ACVR1B: variants seen among roughly 807,000 people sequenced by gnomAD.
ACVR1B encodes activin receptor type-1B.
ACVR1B carries 15 observed loss-of-function variants against 55.6 expected under a neutral mutation model. That is an observed-to-expected ratio of 0.27 (90% confidence interval 0.18 to 0.42). The LOEUF (loss-of-function observed/expected upper bound fraction) is 0.42. Ranked by LOEUF, ACVR1B falls within the 10% of genes least tolerant of loss-of-function variation. ACVR1B has a pLI of 1.00. For synonymous variants in ACVR1B, 247 were observed against 254.6 expected, an observed-to-expected ratio of 0.97 and a Z score of 0.28; for missense variants, 359 against 670.1, an observed-to-expected ratio of 0.54 and a Z score of 5.13.
intron 1 of ACVR1B, among the ~76,000 whole-genome samples, chr12:51,966,999 G>T (rs1439973359): frequency 6.6e-6 from 1 of 152,114 alleles, no homozygotes; most frequent in African/African-American, 2.4e-5. Context: ...CCAGCACTTT[G>T]GGAGGCCGAG....
At chr12:51,955,913 G>A (rs1941400029) in intron 1 of ACVR1B, among the ~76,000 whole-genome samples, 1 of 152,204 alleles carries the variant, frequency 6.6e-6, no homozygotes, top group Non-Finnish European at 1.5e-5. Context: ...TCATGGCCAG[G>A]TTCAGATACC....
At chr12:51,986,704 G>T in intron 6 of ACVR1B, 114 bp from the exon 7 acceptor site, 1 of 1,408,346 alleles carries the variant, frequency 7.1e-7, no homozygotes, top group Non-Finnish European at 9.6e-7. Context: ...TGCCCCAAGG[G>T]ACTTTATCAG....
At chr12:51,958,467 A>AC (rs1310789495) in intron 1 of ACVR1B, among the ~76,000 whole-genome samples, 1 of 151,960 alleles carries the variant, frequency 6.6e-6, no homozygotes, top group Non-Finnish European at 1.5e-5. Flanking sequence ...ACATGGTGAA[A>AC]CCCCATCTCT....
chr12:51,987,340 C>G lies in ACVR1B; in HGVS notation c.1261+398C>G, dbSNP rs552906529. The G allele has an allele frequency of 1.6e-4, 84 of 513,914 alleles. 1 individual carries two copies. The East Asian group carries it at 2.0e-3, about 12-fold the overall frequency. 31.8% of individuals were successfully genotyped at this position (513,914 alleles called of 1,614,324 possible). A position where few individuals can be genotyped will look rare whatever the true frequency, so the allele number is the denominator to read the frequency against. ...ACATTCATGGGAAACCCTGCTGTTTCATTGTTAAAATAATAGTGCTAATTT... is the reference window on the plus strand; with the variant it reads ...ACATTCATGGGAAACCCTGCTGTTTGATTGTTAAAATAATAGTGCTAATTT... On this transcript the variant is annotated intron_variant, in intron 7 of 8. Coordinates refer to ENST00000257963, the MANE Select transcript of ACVR1B (RefSeq NM_004302.5).
At chr12:51,971,162 C>T (rs917734611) in intron 1 of ACVR1B, among the ~76,000 whole-genome samples, 1 of 152,198 alleles carries the variant, frequency 6.6e-6, no homozygotes, top group African/African-American at 2.4e-5. Flanking sequence ...GCCTCTATAA[C>T]ACGGAGCTAG....
At chr12:51,990,888 T>A (rs948406150) in intron 7 of ACVR1B, among the ~76,000 whole-genome samples, 1 of 152,234 alleles carries the variant, frequency 6.6e-6, no homozygotes, top group Non-Finnish European at 1.5e-5. Flanking sequence ...TCCTGGTATT[T>A]CCTATGAATT....
chr12:51,963,265 G>A (rs1029919739), intron 1 of ACVR1B, among the ~76,000 whole-genome samples: 1 of 150,188 alleles, frequency 6.7e-6, no homozygotes, highest in Non-Finnish European at 1.5e-5. Context: ...TTTTTTTTGA[G>A]ACAAAGTCTT....
rs1004697197 is a variant in ACVR1B, at chr12:51,981,018, A to G, written c.630A>G (p.Gln210=). 4 of 1,613,966 alleles carry G rather than the reference A, an allele frequency of 2.5e-6. No individual in the cohort carries two copies. Among genetic ancestry groups the G allele is most frequent in the African/African-American group, 1.3e-5 (1 of 74,908 alleles). The change falls in exon 4 of 9, where the codon CAA becomes CAG. Residue 210 remains glutamine (Q), a synonymous_variant. Coordinates refer to ENST00000257963, the MANE Select transcript of ACVR1B (RefSeq NM_004302.5). ...CAGTGGCCCGAACCATCGTTTTACA[A>G]GAGATTATTGGCAAGGGTCGGTTTG... is the stretch of plus-strand genomic sequence containing the variant. The part of the protein sequence containing the change: ...QRTVARTIVL[Q]EIIGKGRFGE...
chr12:51,985,558 C>T (rs567377401), intron 6 of ACVR1B, among the ~76,000 whole-genome samples: 2 of 152,324 alleles, frequency 1.3e-5, no homozygotes, highest in South Asian at 2.1e-4. Flanking sequence ...GAGCACAGCT[C>T]CATAAACTGT....
Position 51,981,053 on chromosome 12 carries a change from G to A in ACVR1B, c.665G>A (p.Trp222Ter), listed in dbSNP as rs1236678881. ...GGCAAGGGTCGGTTTGGGGAAGTAT[G>A]GCGGGGCCGCTGGAGGGGTGGTGAT... The part of the protein sequence containing the change: ...IIGKGRFGEV[W>*]RGRWRGGDVA... Residue 222 changes from tryptophan to a stop codon, truncating the protein, a stop_gained, in exon 4 of 9, where the codon TGG becomes TAG. Coordinates refer to ENST00000257963, the MANE Select transcript of ACVR1B (RefSeq NM_004302.5). LOFTEE classifies it high-confidence loss of function. 6.2e-7 allele frequency: 1 copy of A among 1,613,918 alleles called. No homozygotes were observed. Among genetic ancestry groups the A allele is most frequent in the African/African-American group, 1.3e-5 (1 of 74,920 alleles).
Position 51,968,563 on chromosome 12 carries a change from T to C in ACVR1B, c.92-6702T>C, listed in dbSNP as rs76582320. Among the ~76,000 whole-genome samples, 33 of 152,372 alleles carry C rather than the reference T, an allele frequency of 2.2e-4. No individual in the cohort carries two copies. In the East Asian group the frequency reaches 6.4e-3, roughly 29 times the overall value. On this transcript the variant is annotated intron_variant, in intron 1 of 8. Transcript: ENST00000257963. ...CTTTCCAATAGGCAGGGTCTACCCA[T>C]GTCCCTTCCTTGAATTTGGGTGGAG... is the stretch of plus-strand genomic sequence containing the variant.
chr12:51,983,776 G>A (rs1458898457), intron 4 of ACVR1B, among the ~76,000 whole-genome samples: 1 of 152,216 alleles, frequency 6.6e-6, no homozygotes. Context: ...ATCAGGAGCA[G>A]TCCTAAGAAA....
intron 1 of ACVR1B, among the ~76,000 whole-genome samples, chr12:51,963,619 C>T (rs902526647): frequency 1.6e-4 from 24 of 152,156 alleles, no homozygotes; most frequent in African/African-American, 4.8e-4. Flanking sequence ...TATTATAGCA[C>T]GTATCAATAG....
intron 7 of ACVR1B, among the ~76,000 whole-genome samples, chr12:51,989,854 G>A (rs574339715): frequency 1.3e-5 from 2 of 152,028 alleles, no homozygotes; most frequent in African/African-American, 2.4e-5. Context: ...GTATGGTAGC[G>A]TACGCCTGTA....
chr12:51,970,746 G>A (rs1565614401), intron 1 of ACVR1B, among the ~76,000 whole-genome samples: 2 of 152,136 alleles, frequency 1.3e-5, no homozygotes, highest in South Asian at 2.1e-4. Flanking sequence ...ATAAAATCAC[G>A]AAGAGTAAGG....
Position 51,984,096 on chromosome 12 carries a change from G to C in ACVR1B, c.909G>C (p.Gly303=). The change falls in exon 5 of 9, where the codon GGG becomes GGC. Residue 303 remains glycine, a synonymous_variant. Transcript: ENST00000257963. ...ACCGGTACACAGTGACAATTGAGGG[G>C]ATGATTAAGCTGGCCTTGTCTGCTG... is the stretch of plus-strand genomic sequence containing the variant. ...YLNRYTVTIE[G]MIKLALSAAS... 1 of 1,614,208 alleles carries C rather than the reference G, an allele frequency of 6.2e-7. No individual in the cohort carries two copies. Among genetic ancestry groups the C allele is most frequent in the Admixed American group, 1.7e-5 (1 of 60,028 alleles).
In ACVR1B at chr12:51,953,644, G is replaced by T. The variant is rs188997574; in HGVS notation, c.91+1810G>T. 135 of 612,958 alleles carry T rather than the reference G, an allele frequency of 2.2e-4. No homozygotes were observed. The African/African-American group carries it at 2.6e-3, about 12-fold the overall frequency. The allele number at this position is 612,958 out of a possible 1,614,324, so 38.0% of individuals were successfully genotyped here. On this transcript the variant is annotated intron_variant, in intron 1 of 8. Transcript: ENST00000257963. ...AACCTCTAGGTTTGTCATTTTATGT[G>T]TGTATGTATAAATCTTTAAATCCTC...
intron 1 of ACVR1B, among the ~76,000 whole-genome samples, chr12:51,973,268 A>G (rs927265090): frequency 6.6e-6 from 1 of 152,236 alleles, no homozygotes; most frequent in South Asian, 2.1e-4. Context: ...CACTGTGCTC[A>G]GAATAGTCCT....
chr12:51,983,801 C>T (rs188315160), intron 4 of ACVR1B, among the ~76,000 whole-genome samples, 198 bp from the exon 5 acceptor site: 1 of 152,172 alleles, frequency 6.6e-6, no homozygotes, highest in African/African-American at 2.4e-5. Flanking sequence ...TGGTGTTCCC[C>T]TGTCCTTACT....
Sources: gnomAD v4.1 joint callset for allele counts (sites outside exome capture counted in the v4.1 genomes callset) on GRCh38, gnomAD v4.1.1 for gene constraint, MANE v1.5 for transcripts, NCBI Gene and HGNC (gene_info 2026-07-23, HGNC 2026-07-21) for gene names.